SLC24A2: variants seen among roughly 807,000 people sequenced by gnomAD.
SLC24A2 encodes the protein solute carrier family 24 member 2, also known as sodium/potassium/calcium exchanger 2.
In SLC24A2, 36 loss-of-function variants were observed where a neutral mutation model predicts 62.0. The observed-to-expected ratio is 0.58, with a 90% CI of 0.44 to 0.77. The LOEUF (loss-of-function observed/expected upper bound fraction) is 0.77. Ranked by LOEUF, SLC24A2 falls within the 30% of genes least tolerant of loss-of-function variation. The probability of loss-of-function intolerance (pLI) is 0.00; values close to 1 mark genes in which losing one functional copy is unlikely to be tolerated. For missense variants in SLC24A2, 846 were observed against 817.9 expected (o/e 1.03, Z -0.42); for synonymous variants, 358 against 294.0 (o/e 1.22, Z -2.23).
At chr9:19,801,576 T>A in the SLC24A2 span, among the ~76,000 whole-genome samples, 1 of 152,188 alleles carries the variant, frequency 6.6e-6, no homozygotes, top group Non-Finnish European at 1.5e-5. Flanking sequence ...CCAGCTCAAA[T>A]TCCTGGGTTT....
intron 2 of SLC24A2, among the ~76,000 whole-genome samples, chr9:19,782,738 A>G (rs958568407): frequency 6.6e-6 from 1 of 152,234 alleles, no homozygotes; most frequent in African/African-American, 2.4e-5. Flanking sequence ...CACATTTTCC[A>G]AGGATCATGC....
chr9:20,284,888 G>A, the SLC24A2 span, among the ~76,000 whole-genome samples: 2 of 152,156 alleles, frequency 1.3e-5, no homozygotes, highest in African/African-American at 4.8e-5. Context: ...TTCAGCTTCT[G>A]TAAATGCCTT....
At chr9:19,871,760 T>C in the SLC24A2 span, among the ~76,000 whole-genome samples, 2 of 152,220 alleles carry the variant, frequency 1.3e-5, no homozygotes, top group African/African-American at 4.8e-5. Context: ...AGAATGTTTT[T>C]GGAATAACAA....
the SLC24A2 span, among the ~76,000 whole-genome samples, chr9:20,118,148 G>A: frequency 5.3e-5 from 8 of 151,956 alleles, no homozygotes; most frequent in Non-Finnish European, 1.0e-4. Flanking sequence ...GCTCATAGGC[G>A]ACTTATCTAC....
chr9:19,614,376 A>C (rs114040246), intron 4 of SLC24A2, among the ~76,000 whole-genome samples: 1 of 152,174 alleles, frequency 6.6e-6, no homozygotes, highest in South Asian at 2.1e-4. Flanking sequence ...CTGTTCAGCT[A>C]TGTTTGAACT....
chr9:20,069,258 T>C, the SLC24A2 span, among the ~76,000 whole-genome samples: 9 of 152,220 alleles, frequency 5.9e-5, no homozygotes, highest in African/African-American at 2.2e-4. Flanking sequence ...ATCGTTTTAT[T>C]AGCTTTTAAG....
chr9:20,034,292 C>T, the SLC24A2 span, among the ~76,000 whole-genome samples: 8 of 151,944 alleles, frequency 5.3e-5, 1 homozygote, highest in Admixed American at 4.6e-4. Context: ...TTGCTCTATG[C>T]AAATTGTCTT....
At chr9:19,902,455 T>A in the SLC24A2 span, among the ~76,000 whole-genome samples, 3 of 152,118 alleles carry the variant, frequency 2.0e-5, no homozygotes, top group Non-Finnish European at 4.4e-5. Context: ...TAATCAGTAA[T>A]CAGATATTTT....
In SLC24A2 at chr9:19,560,073, C is replaced by A. The variant is rs1239710248; in HGVS notation, c.1348-9805G>T. 4.6e-5 allele frequency among the ~76,000 whole-genome samples: 7 copies of A among 152,092 alleles called. 1 individual carries two copies. Among genetic ancestry groups the A allele is most frequent in the African/African-American group, 1.7e-4 (7 of 41,422 alleles). On this transcript the variant is annotated intron_variant, in intron 7 of 10. Transcript: ENST00000341998. Reference sequence around the variant, plus strand: ...AACAAGGTGTGCTGTGAGTCACTTCCAAAGCAAACCCCGAGTTCAGGGATG... The same window carrying A: ...AACAAGGTGTGCTGTGAGTCACTTCAAAAGCAAACCCCGAGTTCAGGGATG...
chr9:19,759,681 T>C (rs899198438), intron 2 of SLC24A2, among the ~76,000 whole-genome samples: 3 of 152,212 alleles, frequency 2.0e-5, no homozygotes, highest in Admixed American at 2.0e-4. Flanking sequence ...AATTATTTAC[T>C]GGGTATCTAT....
chr9:20,005,894 A>G, the SLC24A2 span, among the ~76,000 whole-genome samples: 1 of 151,562 alleles, frequency 6.6e-6, no homozygotes, highest in Admixed American at 6.6e-5. Context: ...AAAAGAAACA[A>G]GTTTATTTGT....
At chr9:20,158,759 T>C in the SLC24A2 span, among the ~76,000 whole-genome samples, 2 of 151,564 alleles carry the variant, frequency 1.3e-5, no homozygotes, top group Non-Finnish European at 3.0e-5. Flanking sequence ...GCACTTATAA[T>C]GGGAGTCTCT....
intron 7 of SLC24A2, among the ~76,000 whole-genome samples, chr9:19,566,628 T>C (rs1228722089): frequency 6.6e-6 from 1 of 152,148 alleles, no homozygotes; most frequent in Non-Finnish European, 1.5e-5. Context: ...GCCCAAAGGA[T>C]TATAAATCAT....
chr9:20,099,508 T>G, the SLC24A2 span, among the ~76,000 whole-genome samples: 3 of 152,220 alleles, frequency 2.0e-5, no homozygotes, highest in East Asian at 5.8e-4. Context: ...ATGAAATCCC[T>G]GAGCTCTTCC....
intron 6 of SLC24A2, among the ~76,000 whole-genome samples, chr9:19,575,003 C>T (rs1835964867): frequency 6.6e-6 from 1 of 152,052 alleles, no homozygotes; most frequent in East Asian, 1.9e-4. Context: ...TAGACATTTC[C>T]ATCACTGGTG....
the SLC24A2 span, among the ~76,000 whole-genome samples, chr9:20,034,627 C>A: frequency 0.19 from 28,225 of 151,800 alleles, 4,100 homozygotes; most frequent in East Asian, 0.68. Flanking sequence ...CCACTATGCC[C>A]GGCTAATTTT....
chr9:19,538,374 T>A (rs1482446459), intron 8 of SLC24A2, among the ~76,000 whole-genome samples: 1 of 136,780 alleles, frequency 7.3e-6, no homozygotes, highest in Non-Finnish European at 1.5e-5. Flanking sequence ...TTGAAATACG[T>A]CCCATCAATA....
At chr9:19,948,701 C>T in the SLC24A2 span, among the ~76,000 whole-genome samples, 169 of 151,620 alleles carry the variant, frequency 1.1e-3, 2 homozygotes, top group African/African-American at 3.9e-3. Context: ...AAAAATTAGC[C>T]GGGCGCAGTG....
At chr9:19,986,404 CCTAT>C in the SLC24A2 span, among the ~76,000 whole-genome samples, 43,531 of 151,648 alleles carry the variant, frequency 0.29, 6,460 homozygotes, top group East Asian at 0.42. Flanking sequence ...ATAGGATGAC[CCTAT>C]ATAGGACCTA....
Sources: gnomAD v4.1 joint callset for allele counts (sites outside exome capture counted in the v4.1 genomes callset) on GRCh38, gnomAD v4.1.1 for gene constraint, MANE v1.5 for transcripts, NCBI Gene and HGNC (gene_info 2026-07-23, HGNC 2026-07-21) for gene names.